Variants in RESF1 observed in about 807,000 individuals in gnomAD.
The protein encoded by RESF1 is retroelement silencing factor 1.
In RESF1, 65 loss-of-function variants were observed where a neutral mutation model predicts 134.7. The ratio of observed to expected loss-of-function variants is 0.48; its 90% CI spans 0.40 to 0.59. RESF1 has a LOEUF of 0.59. RESF1 is among the 20% of genes least tolerant of loss of function. RESF1 has a pLI of 0.00. For missense variants in RESF1, 2,274 were observed against 2,002.7 expected (o/e 1.14, Z -2.59); for synonymous variants, 762 against 702.2 (o/e 1.09, Z -1.35).
At chr12:31,971,102 T>G (rs192076333) in intron 3 of RESF1, among the ~76,000 whole-genome samples, 1 of 152,198 alleles carries the variant, frequency 6.6e-6, no homozygotes, top group South Asian at 2.1e-4. Context: ...TTATCAGCAT[T>G]TTTTGTCTTA....
chr12:31,976,627 G>A (rs1939640019), intron 3 of RESF1, among the ~76,000 whole-genome samples: 1 of 151,984 alleles, frequency 6.6e-6, no homozygotes, highest in Non-Finnish European at 1.5e-5. Context: ...AGGTTGCAGT[G>A]AGCCGAGATC....
rs1939774499 is a variant in RESF1, at chr12:31,981,127, C to G, written c.172C>G (p.Pro58Ala). The G allele has an allele frequency of 3.1e-6, 5 of 1,614,008 alleles. No individual in the cohort carries two copies. The highest frequency in any genetic ancestry group is 2.2e-5 in the East Asian group (1 of 44,890). The change falls in exon 4 of 6, where the codon CCA (proline) becomes GCA (alanine). Residue 58 changes from proline to alanine, a missense_variant. By Grantham distance (27) the Pro-to-Ala change is conservative. Coordinates refer to ENST00000312561, the MANE Select transcript of RESF1 (RefSeq NM_018169.4). ...EACMYPGNSN[P>A]ISQPLLNIQN... The stretch of plus-strand genomic sequence containing the variant: ...ATGCATGTATCCCGGTAATTCAAAT[C>G]CAATTTCACAGCCACTGCTGAATAT...
At chr12:31,980,292 A>G (rs1403382697) in intron 3 of RESF1, among the ~76,000 whole-genome samples, 1 of 151,628 alleles carries the variant, frequency 6.6e-6, no homozygotes, top group Non-Finnish European at 1.5e-5. Context: ...TTGTATTTTT[A>G]GTAAAGATGG....
chr12:31,959,710 CG>C (rs1160038577), intron 1 of RESF1: 4 of 150,896 alleles, frequency 2.7e-5, no homozygotes, highest in African/African-American at 9.7e-5. Context: ...GGAGCTGGGC[CG>C]GGCCGCCGCG....
Position 31,984,225 on chromosome 12 carries a change from T to C in RESF1, c.3270T>C (p.Ala1090=). The C allele has an allele frequency of 6.2e-7, 1 of 1,614,088 alleles. No homozygotes were observed. The part of the protein sequence containing the change: ...TTYQTSEDQT[A]DKTSSDSKDP... ...ACCAGACCTCAGAAGATCAAACTGC[T>C]GATAAAACCAGTTCTGACTCCAAAG... The change falls in exon 4 of 6, where the codon GCT becomes GCC. Residue 1090 remains alanine, a synonymous_variant. Coordinates refer to ENST00000312561, the MANE Select transcript of RESF1 (RefSeq NM_018169.4).
Position 31,985,018 on chromosome 12 carries a change from C to T in RESF1, c.4063C>T (p.Gln1355Ter). 1 of 1,592,528 alleles carries T rather than the reference C, an allele frequency of 6.3e-7. No individual in the cohort carries two copies. The highest frequency in any genetic ancestry group is 1.2e-5 in the South Asian group (1 of 85,952). The change falls in exon 4 of 6, where the codon CAG becomes TAG. Residue 1355 changes from glutamine (Q) to a stop codon, truncating the protein, a stop_gained. Coordinates refer to ENST00000312561, the MANE Select transcript of RESF1 (RefSeq NM_018169.4). LOFTEE classifies it high-confidence loss of function. Reference sequence around the variant, plus strand: ...GTATAAGAAGCATAGTTCTTTGGGACAGTCATTATCACCAGAAAAGATAAA... The same window carrying T: ...GTATAAGAAGCATAGTTCTTTGGGATAGTCATTATCACCAGAAAAGATAAA... Reference protein sequence around the residue: ...DVYKKHSSLGQSLSPEKIKLK... With the variant: ...DVYKKHSSLG
rs1940132675 is a variant in RESF1 at position 31,993,106 on chromosome 12, A to G, written c.*571A>G. On this transcript the variant is annotated 3_prime_UTR_variant, in exon 6 of 6. Coordinates refer to ENST00000312561, the MANE Select transcript of RESF1 (RefSeq NM_018169.4). ...ATAAACATTTATTTTTTAAAAAACT[A>G]ATTTGAAACCTTCACAGCTCAGTTT... 6.5e-6 allele frequency: 1 copy of G among 152,848 alleles called. No individual in the cohort carries two copies. Among genetic ancestry groups the G allele is most frequent in the Admixed American group, 6.6e-5 (1 of 15,266 alleles). The allele number at this position is 152,848 out of a possible 1,614,324, so 9.5% of individuals were successfully genotyped here. A position where few individuals can be genotyped will look rare whatever the true frequency, so the allele number is the denominator to read the frequency against.
intron 2 of RESF1, among the ~76,000 whole-genome samples, chr12:31,967,720 G>T (rs968484982): frequency 2.0e-5 from 3 of 147,210 alleles, no homozygotes; most frequent in African/African-American, 7.5e-5. Context: ...TCATGATCAC[G>T]TGGCTGACTG....
intron 3 of RESF1, among the ~76,000 whole-genome samples, chr12:31,980,551 T>A (rs1192892754): frequency 6.6e-6 from 1 of 152,230 alleles, no homozygotes; most frequent in Non-Finnish European, 1.5e-5. Flanking sequence ...TTTATTGTCA[T>A]GTTAGCTTTT....
At position 31,982,255 on chromosome 12, in the gene RESF1, T is replaced by C; in HGVS notation, c.1300T>C (p.Tyr434His). The C allele has an allele frequency of 6.2e-7, 1 of 1,614,032 alleles. No individual in the cohort carries two copies. Among genetic ancestry groups the C allele is most frequent in the Non-Finnish European group, 8.5e-7 (1 of 1,180,008 alleles). Residue 434 changes from tyrosine (Y) to histidine (H), a missense_variant, in exon 4 of 6, where the codon TAT becomes CAT. Transcript: ENST00000312561. Reference protein sequence around the residue: ...AGCIKMTNTSYSEPAQNSKLS... With the variant: ...AGCIKMTNTSHSEPAQNSKLS... ...TTGTATTAAAATGACTAATACTTCT[T>C]ATAGTGAACCAGCTCAGAATTCTAA... is the stretch of plus-strand genomic sequence containing the variant.
intron 5 of RESF1, among the ~76,000 whole-genome samples, chr12:31,988,754 G>A (rs192837609): frequency 1.2e-4 from 18 of 152,066 alleles, no homozygotes; most frequent in Non-Finnish European, 1.9e-4. Flanking sequence ...ACAGTGGCAC[G>A]ATCTCGGCCT....
chr12:31,970,592 A>G (rs914152457), intron 3 of RESF1, among the ~76,000 whole-genome samples: 10 of 152,324 alleles, frequency 6.6e-5, no homozygotes, highest in African/African-American at 2.2e-4. Context: ...AAGCTTCCAG[A>G]TTAACTTGCT....
chr12:31,973,097 G>C (rs1341607633), intron 3 of RESF1, among the ~76,000 whole-genome samples: 2 of 152,066 alleles, frequency 1.3e-5, no homozygotes, highest in African/African-American at 4.8e-5. Context: ...AGTGATGGAG[G>C]CTGGCAGAGA....
chr12:31,972,285 C>G (rs1011977035), intron 3 of RESF1, among the ~76,000 whole-genome samples: 1 of 151,924 alleles, frequency 6.6e-6, no homozygotes, highest in Non-Finnish European at 1.5e-5. Context: ...GTAAAATAAC[C>G]TGGGACTTGG....
In RESF1 at chr12:31,976,837, C is replaced by T. The variant is rs544408194; in HGVS notation, c.-78-4041C>T. On this transcript the variant is annotated intron_variant, in intron 3 of 5. Transcript: ENST00000312561. ...CTTGCTGTCTCCAGGGTAGCATAGA[C>T]AAAAGAAAATCCACGTATAAGTGGA... Among the ~76,000 whole-genome samples the T allele has an allele frequency of 2.6e-5, 4 of 152,188 alleles. No individual in the cohort carries two copies. In the South Asian group the frequency reaches 8.3e-4, roughly 32 times the overall value.
intron 2 of RESF1, among the ~76,000 whole-genome samples, chr12:31,963,168 AC>A (rs1939319387): frequency 6.6e-6 from 1 of 152,056 alleles, no homozygotes; most frequent in African/African-American, 2.4e-5. Context: ...AATCGAGACC[AC>A]CCTGGCTAAC....
In RESF1 at chr12:31,983,583, A is replaced by T. The variant is rs750471395; in HGVS notation, c.2628A>T (p.Ser876=). Reference sequence around the variant, plus strand: ...CTCCTATGAACGATCAGCAAATCTCACAGGAGTCAAGGAATAGTACTGTTG... The same window carrying T: ...CTCCTATGAACGATCAGCAAATCTCTCAGGAGTCAAGGAATAGTACTGTTG... The part of the protein sequence containing the change: ...IHSPMNDQQI[S]QESRNSTVVS... Residue 876 remains serine, a synonymous_variant, in exon 4 of 6, where the codon TCA becomes TCT. Transcript: ENST00000312561. 3 of 1,607,374 alleles carry T rather than the reference A, an allele frequency of 1.9e-6. No individual in the cohort carries two copies. In the East Asian group the frequency reaches 6.7e-5, roughly 36 times the overall value.
intron 5 of RESF1, among the ~76,000 whole-genome samples, chr12:31,990,047 A>G (rs138050111): frequency 6.6e-6 from 1 of 152,210 alleles, no homozygotes; most frequent in Non-Finnish European, 1.5e-5. Flanking sequence ...ACAAATGGGT[A>G]CGAAGATTGG....
At chr12:31,980,668 T>C (rs111414482) in intron 3 of RESF1, among the ~76,000 whole-genome samples, 3 of 152,240 alleles carry the variant, frequency 2.0e-5, no homozygotes, top group African/African-American at 4.8e-5. Flanking sequence ...GCTGTCATTG[T>C]GTGGAATGAA....
Sources: allele counts gnomAD v4.1 joint callset (sites outside exome capture counted in the v4.1 genomes callset), GRCh38; gene constraint gnomAD v4.1.1; transcripts MANE v1.5; gene names NCBI Gene and HGNC (gene_info 2026-07-23, HGNC 2026-07-21).